MDGA2: variants seen among roughly 807,000 people sequenced by gnomAD.
MDGA2 encodes MAM domain-containing glycosylphosphatidylinositol anchor protein 2.
A neutral mutation model predicts 117.8 loss-of-function variants in MDGA2; 40 were observed. The observed-to-expected ratio is 0.34, with a 90% CI of 0.26 to 0.44. The LOEUF is 0.44. Ranked by LOEUF, MDGA2 falls within the 20% of genes least tolerant of loss-of-function variation. The pLI, the probability that MDGA2 is intolerant of heterozygous loss-of-function variation, is 1.00. For synonymous variants in MDGA2, 452 were observed against 439.0 expected, an observed-to-expected ratio of 1.03 and a Z score of -0.37; for missense variants, 1,123 against 1,250.6, an observed-to-expected ratio of 0.90 and a Z score of 1.54.
intron 1 of MDGA2, among the ~76,000 whole-genome samples, chr14:47,672,297 T>C (rs1200200658): frequency 6.6e-6 from 1 of 152,074 alleles, no homozygotes; most frequent in African/African-American, 2.4e-5. Context: ...CACATCAATA[T>C]AAAAACAAAA....
At chr14:47,365,912 TCTAA>T (rs1417940507) in intron 1 of MDGA2, among the ~76,000 whole-genome samples, 4 of 152,230 alleles carry the variant, frequency 2.6e-5, no homozygotes, top group African/African-American at 7.2e-5. Flanking sequence ...CATCAATACT[TCTAA>T]CTCTTTCGTC....
At chr14:47,375,907 TCTATTAC>T (rs1891467642) in intron 1 of MDGA2, among the ~76,000 whole-genome samples, 1 of 152,126 alleles carries the variant, frequency 6.6e-6, no homozygotes, top group African/African-American at 2.4e-5. Context: ...CAGTGGGTAA[TCTATTAC>T]CTATTACCAT....
intron 9 of MDGA2, among the ~76,000 whole-genome samples, chr14:46,953,206 T>C (rs1354175105): frequency 6.7e-6 from 1 of 148,252 alleles, no homozygotes; most frequent in Non-Finnish European, 1.5e-5. Context: ...TTAAATACAT[T>C]CCTGACTGTA....
intron 7 of MDGA2, among the ~76,000 whole-genome samples, chr14:47,038,782 A>C (rs997803633): frequency 3.4e-5 from 5 of 147,954 alleles, no homozygotes; most frequent in Middle Eastern, 3.5e-3. Flanking sequence ...TAAAAATACA[A>C]AAAAAAAAAA....
At chr14:46,913,351 C>A (rs1020696683) in intron 10 of MDGA2, among the ~76,000 whole-genome samples, 3 of 152,050 alleles carry the variant, frequency 2.0e-5, no homozygotes, top group Non-Finnish European at 4.4e-5. Context: ...ACAAAGAATC[C>A]AGATTATCAA....
intron 2 of MDGA2, among the ~76,000 whole-genome samples, chr14:47,266,778 T>C (rs1246788142): frequency 6.6e-6 from 1 of 152,198 alleles, no homozygotes; most frequent in Non-Finnish European, 1.5e-5. Context: ...CTTCTGCTCC[T>C]ACTCTTCTCC....
chr14:47,562,680 G>C (rs912217697), intron 1 of MDGA2, among the ~76,000 whole-genome samples: 5 of 152,078 alleles, frequency 3.3e-5, no homozygotes, highest in African/African-American at 1.2e-4. Context: ...AAAAAGCAAA[G>C]TCCTGAATTT....
At chr14:47,144,757 TC>T (rs1435319186) in intron 3 of MDGA2, among the ~76,000 whole-genome samples, 3 of 151,256 alleles carry the variant, frequency 2.0e-5, no homozygotes, top group Admixed American at 6.6e-5. Context: ...CAAGCCATCC[TC>T]CTACCTCAGT....
rs944751667 is a variant in MDGA2 at position 47,566,304 on chromosome 14, G to A, written c.280+108213C>T. Among the ~76,000 whole-genome samples the A allele has an allele frequency of 4.6e-5, 7 of 152,260 alleles. No individual in the cohort carries two copies. In the East Asian group the frequency reaches 1.4e-3, roughly 30 times the overall value. On this transcript the variant is annotated intron_variant, in intron 1 of 16. Transcript: ENST00000399232. Reference sequence around the variant, plus strand: ...AAGGCACCTCAATTGGGCATCCAAGGCTGTACAGCAAGCAGGCACATCCAG... The same window carrying A: ...AAGGCACCTCAATTGGGCATCCAAGACTGTACAGCAAGCAGGCACATCCAG...
chr14:47,162,079 G>A (rs1323013541), intron 3 of MDGA2, among the ~76,000 whole-genome samples: 2 of 151,404 alleles, frequency 1.3e-5, no homozygotes, highest in Non-Finnish European at 2.9e-5. Context: ...CCAAGTAGCT[G>A]GGACTACAGG....
At chr14:46,942,652 C>A (rs922247962) in intron 9 of MDGA2, among the ~76,000 whole-genome samples, 5 of 152,094 alleles carry the variant, frequency 3.3e-5, no homozygotes, top group African/African-American at 1.2e-4. Flanking sequence ...TAAATGAAAT[C>A]ATAAAATATG....
chr14:47,141,604 T>C (rs1222073986), intron 4 of MDGA2, among the ~76,000 whole-genome samples: 1 of 152,136 alleles, frequency 6.6e-6, no homozygotes, highest in African/African-American at 2.4e-5. Flanking sequence ...TTATGTTAAG[T>C]AAAATAATTA....
intron 1 of MDGA2, among the ~76,000 whole-genome samples, chr14:47,356,116 C>T (rs987950940): frequency 3.3e-5 from 5 of 152,166 alleles, no homozygotes; most frequent in African/African-American, 9.7e-5. Context: ...CAGAGGGTAA[C>T]ACCTTGGATT....
chr14:47,519,909 G>A (rs1023829806), intron 1 of MDGA2, among the ~76,000 whole-genome samples: 1 of 152,150 alleles, frequency 6.6e-6, no homozygotes, highest in Non-Finnish European at 1.5e-5. Flanking sequence ...CACTGAGCTA[G>A]AAGGTCATTA....
chr14:47,182,082 G>A (rs990296227), intron 3 of MDGA2, among the ~76,000 whole-genome samples: 1 of 152,004 alleles, frequency 6.6e-6, no homozygotes, highest in Non-Finnish European at 1.5e-5. Flanking sequence ...TCTATGCTAG[G>A]AGTTGTTCCA....
chr14:46,858,437 T>C (rs1438002024), intron 14 of MDGA2, among the ~76,000 whole-genome samples: 4 of 145,686 alleles, frequency 2.7e-5, no homozygotes, highest in African/African-American at 1.0e-4. Flanking sequence ...TCTTTTTTTT[T>C]TTTTTTTTGA....
rs17559381 is a variant in MDGA2 at position 46,950,209 on chromosome 14, T to C, written c.2089+7165A>G. On this transcript the variant is annotated intron_variant, in intron 9 of 16. Transcript: ENST00000399232. ...TCATTAAGTGATACTTACATTTTTA[T>C]TCCTAATTTTTCAGATTTCGCATGG... 3.4e-3 allele frequency among the ~76,000 whole-genome samples: 520 copies of C among 152,026 alleles called. 2 individuals carry two copies. The highest frequency in any genetic ancestry group is 5.2e-3 in the Admixed American group (79 of 15,234).
At chr14:47,547,182 C>G (rs972587751) in intron 1 of MDGA2, among the ~76,000 whole-genome samples, 2 of 152,014 alleles carry the variant, frequency 1.3e-5, no homozygotes, top group Non-Finnish European at 2.9e-5. Flanking sequence ...GACAGCACAA[C>G]AAGATTGAAT....
chr14:47,234,429 T>C (rs1188975676), intron 2 of MDGA2, among the ~76,000 whole-genome samples: 1 of 152,086 alleles, frequency 6.6e-6, no homozygotes, highest in Non-Finnish European at 1.5e-5. Context: ...TTTCACATAC[T>C]GTATTCCTTA....
Sources: allele counts gnomAD v4.1 joint callset (sites outside exome capture counted in the v4.1 genomes callset), GRCh38; gene constraint gnomAD v4.1.1; transcripts MANE v1.5; gene names NCBI Gene and HGNC (gene_info 2026-07-23, HGNC 2026-07-21).